The following MED13L variants were observed in gnomAD, a reference collection of about 807,000 sequenced individuals.
MED13L encodes mediator of RNA polymerase II transcription subunit 13-like.
In MED13L, 7 loss-of-function variants were observed where a neutral mutation model predicts 220.9. That is an observed-to-expected ratio of 0.03 (90% confidence interval 0.02 to 0.06). The LOEUF is 0.06. Among genes scored for constraint, MED13L ranks in the 10% least tolerant of loss-of-function variants. The pLI is 1.00. For synonymous variants in MED13L, 1,011 were observed against 1,015.2 expected (o/e 1.00, Z 0.08); for missense variants, 1,965 against 2,760.5 (o/e 0.71, Z 6.46).
intron 2 of MED13L, among the ~76,000 whole-genome samples, chr12:116,144,087 A>C (rs1047545562): frequency 6.6e-6 from 1 of 152,150 alleles, no homozygotes; most frequent in African/African-American, 2.4e-5. Flanking sequence ...TACACAGCAC[A>C]CAAGAAAGGA....
Position 115,996,479 on chromosome 12 carries a change from T to C in MED13L, c.2993A>G (p.Tyr998Cys), listed in dbSNP as rs770330400. 3.7e-6 allele frequency: 6 copies of C among 1,611,852 alleles called. 1 individual carries two copies. In the South Asian group the frequency reaches 5.5e-5, roughly 15 times the overall value. The change falls in exon 16 of 31, where the codon TAC becomes TGC. Residue 998 changes from tyrosine to cysteine, a missense_variant. Transcript: ENST00000281928. ...PPAATFIRDG[Y>C]NNVPSVGSLA... ...ATGACACAATCCCTATACATACTTGTAGCCATCTCTAATGAAAGTGGCTGC... is the reference window on the plus strand; with the variant it reads ...ATGACACAATCCCTATACATACTTGCAGCCATCTCTAATGAAAGTGGCTGC...
At chr12:116,090,605 A>G (rs1370998922) in intron 4 of MED13L, among the ~76,000 whole-genome samples, 1 of 152,216 alleles carries the variant, frequency 6.6e-6, no homozygotes, top group Non-Finnish European at 1.5e-5. Context: ...GAATCAGAGA[A>G]TCAGAAAGCT....
At chr12:115,984,132 G>A in intron 20 of MED13L, 48 bp downstream of exon 20, 1 of 1,570,100 alleles carries the variant, frequency 6.4e-7, no homozygotes, top group African/African-American at 1.3e-5. Flanking sequence ...GGACGGATTT[G>A]CTATTTTACT....
intron 1 of MED13L, among the ~76,000 whole-genome samples, chr12:116,263,317 C>CA (rs1304687772): frequency 2.0e-5 from 3 of 151,438 alleles, no homozygotes; most frequent in South Asian, 4.2e-4. Flanking sequence ...ATCTGAAGAC[C>CA]AAAAAAAGTA....
intron 15 of MED13L, 53 bp downstream of exon 15, chr12:115,996,957 G>T (rs1878445781): frequency 1.3e-6 from 2 of 1,526,214 alleles, no homozygotes; most frequent in South Asian, 1.1e-5. Context: ...AGATGTATGT[G>T]AATCCACTTG....
intron 16 of MED13L, among the ~76,000 whole-genome samples, chr12:115,995,628 G>T (rs1878350479): frequency 1.3e-5 from 2 of 152,212 alleles, no homozygotes; most frequent in East Asian, 1.9e-4. Flanking sequence ...TTCGCCATTT[G>T]CCCAGGCTGG....
intron 1 of MED13L, among the ~76,000 whole-genome samples, chr12:116,265,228 G>A (rs1057373320): frequency 6.6e-6 from 1 of 152,160 alleles, no homozygotes; most frequent in Non-Finnish European, 1.5e-5. Flanking sequence ...CTTTAAGTCA[G>A]AGAAAGCAAA....
chr12:116,225,127 T>A (rs1868839087), intron 2 of MED13L, among the ~76,000 whole-genome samples: 1 of 152,246 alleles, frequency 6.6e-6, no homozygotes, highest in Admixed American at 6.5e-5. Flanking sequence ...CCCCAGGACA[T>A]CCCATTAAAG....
intron 2 of MED13L, among the ~76,000 whole-genome samples, chr12:116,163,817 T>C (rs1879058518): frequency 1.3e-5 from 2 of 152,186 alleles, no homozygotes; most frequent in African/African-American, 4.8e-5. Context: ...TTTCCTAATA[T>C]AAGCCAATCT....
Position 116,163,113 on chromosome 12 carries a change from A to T in MED13L, c.311-51601T>A, listed in dbSNP as rs1879005529. ...TGACTTGGGACAATGGCAAGACTGAAGATTACTTTTGCTTAAACTATTTCT... is the reference window on the plus strand; with the variant it reads ...TGACTTGGGACAATGGCAAGACTGATGATTACTTTTGCTTAAACTATTTCT... On this transcript the variant is annotated intron_variant, in intron 2 of 30. Coordinates refer to ENST00000281928, the MANE Select transcript of MED13L (RefSeq NM_015335.5). Among the ~76,000 whole-genome samples, 6 of 152,170 alleles carry T rather than the reference A, an allele frequency of 3.9e-5. No homozygotes were observed. The South Asian group carries it at 1.2e-3, about 31-fold the overall frequency.
chr12:116,155,577 C>T (rs773076174), intron 2 of MED13L, among the ~76,000 whole-genome samples: 27 of 152,140 alleles, frequency 1.8e-4, no homozygotes, highest in Non-Finnish European at 3.5e-4. Flanking sequence ...CTCATGAAAA[C>T]GTTTACAACA....
chr12:116,081,608 G>C (rs1871243306), intron 4 of MED13L, among the ~76,000 whole-genome samples: 2 of 152,164 alleles, frequency 1.3e-5, no homozygotes, highest in Non-Finnish European at 2.9e-5. Flanking sequence ...TTCAGGCTGG[G>C]CACAGTGGCA....
chr12:116,041,614 G>A lies in MED13L; in HGVS notation c.480-19013C>T, dbSNP rs951685917. 3.9e-5 allele frequency among the ~76,000 whole-genome samples: 6 copies of A among 152,324 alleles called. No homozygotes were observed. In the East Asian group the frequency reaches 5.8e-4, roughly 15 times the overall value. On this transcript the variant is annotated intron_variant, in intron 4 of 30. Transcript: ENST00000281928. ...AATCCCAGCACTTTGGGAGGCCAAG[G>A]CGGGTGGATCATAAGGTCAGGAGAT...
chr12:116,030,847 TA>T (rs145812948), intron 4 of MED13L, among the ~76,000 whole-genome samples: 2,196 of 152,122 alleles, frequency 0.014, 21 homozygotes, highest in African/African-American at 0.027. Flanking sequence ...TTGAAAACAG[TA>T]ACTAAAAAAA....
chr12:116,163,323 T>C (rs1213086157), intron 2 of MED13L, among the ~76,000 whole-genome samples: 2 of 151,206 alleles, frequency 1.3e-5, no homozygotes. Flanking sequence ...CTTTATATAA[T>C]AAAAATTCAT....
At chr12:116,182,591 T>TGAA (rs1192981130) in intron 2 of MED13L, among the ~76,000 whole-genome samples, 3 of 152,224 alleles carry the variant, frequency 2.0e-5, no homozygotes, top group African/African-American at 7.2e-5. Flanking sequence ...TACAGCTTAC[T>TGAA]GAAGAACACT....
intron 16 of MED13L, among the ~76,000 whole-genome samples, chr12:115,994,958 AG>A (rs1456712966): frequency 2.0e-5 from 3 of 152,224 alleles, no homozygotes; most frequent in African/African-American, 7.2e-5. Flanking sequence ...TCCATTTTAA[AG>A]GGAAGACCCA....
intron 2 of MED13L, among the ~76,000 whole-genome samples, chr12:116,152,630 G>T (rs1184007543): frequency 1.3e-5 from 2 of 152,058 alleles, no homozygotes; most frequent in South Asian, 4.1e-4. Context: ...CAATGGCGTG[G>T]GGGGGAAAGC....
At chr12:116,212,823 A>C (rs1007643017) in intron 2 of MED13L, among the ~76,000 whole-genome samples, 9 of 152,176 alleles carry the variant, frequency 5.9e-5, no homozygotes, top group African/African-American at 2.2e-4. Flanking sequence ...TGACAACAAA[A>C]CTACAACAGA....
Sources: allele counts gnomAD v4.1 joint callset (sites outside exome capture counted in the v4.1 genomes callset), GRCh38; gene constraint gnomAD v4.1.1; transcripts MANE v1.5; gene names NCBI Gene and HGNC (gene_info 2026-07-23, HGNC 2026-07-21).